The following ZNF439 variants were observed in gnomAD, a reference collection of about 807,000 sequenced individuals.
ZNF439 encodes the protein zinc finger protein 439.
A neutral mutation model predicts 47.3 loss-of-function variants in ZNF439; 40 were observed. That is an observed-to-expected ratio of 0.85 (90% CI 0.66 to 1.10). The LOEUF is 1.10. Ranked by LOEUF, ZNF439 falls within the 50% of genes least tolerant of loss-of-function variation. The pLI is 0.00. For missense variants in ZNF439, 556 were observed against 601.1 expected (o/e 0.93, Z 0.78); for synonymous variants, 171 against 198.8 (o/e 0.86, Z 1.18).
chr19:11,868,564 TTATAAA>T lies in ZNF439; in HGVS notation c.*1_*6del, dbSNP rs753816275. ...TAAGAATGCACTCTGGAGAAAGACC[TTATAAA>T]TATAAGATATATGGGAAACACTTTT... On this transcript the variant is annotated stop_retained_variant and 3_prime_UTR_variant, in exon 4 of 4. Coordinates refer to ENST00000682736, the MANE Select transcript of ZNF439 (RefSeq NM_001348719.2). 1 of 1,603,000 alleles carries T rather than the reference TTATAAA, an allele frequency of 6.2e-7. No individual in the cohort carries two copies. Among genetic ancestry groups the T allele is most frequent in the East Asian group, 2.2e-5 (1 of 44,738 alleles).
At chr19:11,862,746 T>G (rs1297450256) in intron 1 of ZNF439, among the ~76,000 whole-genome samples, 2 of 139,680 alleles carry the variant, frequency 1.4e-5, no homozygotes, top group Non-Finnish European at 3.0e-5. Context: ...TTTTCTGTTG[T>G]TTTTTTTTTT....
chr19:11,863,098 G>A (rs996804868), intron 1 of ZNF439, among the ~76,000 whole-genome samples: 1 of 143,830 alleles, frequency 7.0e-6, no homozygotes, highest in African/African-American at 2.6e-5. Flanking sequence ...CCTGTCATAT[G>A]TTTGTTTGCC....
rs373619703 is a variant in ZNF439 at position 11,867,750 on chromosome 19, T to A, written c.696T>A (p.Ser232Arg). The A allele has an allele frequency of 6.2e-7, 1 of 1,613,982 alleles. No homozygotes were observed. Among genetic ancestry groups the A allele is most frequent in the Non-Finnish European group, 8.5e-7 (1 of 1,180,004 alleles). The change falls in exon 4 of 4, where the codon AGT becomes AGA. Residue 232 changes from serine (S) to arginine (R), a missense_variant. By Grantham distance (110) the Ser-to-Arg change is moderately radical (BLOSUM62 -1). Coordinates refer to ENST00000682736, the MANE Select transcript of ZNF439 (RefSeq NM_001348719.2). ...KFCGKAFHCL[S>R]LYLIHERTHT... is the part of the protein sequence containing the mutation. ...GTGGGAAAGCATTCCATTGTCTCAG[T>A]TTATATCTTATCCATGAAAGAACTC...
At chr19:11,860,929 A>G (rs907319727) in intron 1 of ZNF439, among the ~76,000 whole-genome samples, 6 of 152,184 alleles carry the variant, frequency 3.9e-5, no homozygotes. Context: ...GTATGATCAT[A>G]TAACCTCCAG....
At position 11,868,207 on chromosome 19, in the gene ZNF439, A is replaced by T. The variant is rs1329778692; in HGVS notation, c.1153A>T (p.Lys385Ter). The T allele has an allele frequency of 1.9e-6, 3 of 1,614,134 alleles. No homozygotes were observed. The highest frequency in any genetic ancestry group is 2.5e-6 in the Non-Finnish European group (3 of 1,180,020). The change falls in exon 4 of 4, where the codon AAA (lysine) becomes TAA (stop). Residue 385 changes from lysine to a stop codon, truncating the protein, a stop_gained. Coordinates refer to ENST00000682736, the MANE Select transcript of ZNF439 (RefSeq NM_001348719.2). LOFTEE classifies it high-confidence loss of function. Reference protein sequence around the residue: ...QRHEKTHSGEKPYKCKQCGKA... With the variant: ...QRHEKTHSGE ...ACATGAAAAAACTCACAGTGGAGAG[A>T]AACCGTATAAATGCAAGCAATGTGG...
chr19:11,863,709 A>G (rs1022549230), intron 1 of ZNF439, among the ~76,000 whole-genome samples: 1 of 152,226 alleles, frequency 6.6e-6, no homozygotes, highest in Admixed American at 6.5e-5. Flanking sequence ...TGCCAAATCC[A>G]AGGTTGTCTT....
chr19:11,867,380 A>G lies in ZNF439; in HGVS notation c.326A>G (p.Asp109Gly). 1.2e-6 allele frequency: 2 copies of G among 1,613,984 alleles called. No individual in the cohort carries two copies. Among genetic ancestry groups the G allele is most frequent in the Non-Finnish European group, 1.7e-6 (2 of 1,179,858 alleles). ...HCGETFTPVP[D>G]DRLNFQKKKA... ...GGAGAAACTTTTACCCCAGTTCCAG[A>G]TGACAGGCTGAACTTCCAGAAGAAG... is the stretch of plus-strand genomic sequence containing the variant. Residue 109 changes from aspartate to glycine, a missense_variant, in exon 4 of 4, where the codon GAT becomes GGT. By Grantham distance (94) the Asp-to-Gly change is moderately conservative. Coordinates refer to ENST00000682736, the MANE Select transcript of ZNF439 (RefSeq NM_001348719.2).
At position 11,868,305 on chromosome 19, in the gene ZNF439, T is replaced by G; in HGVS notation, c.1251T>G (p.Cys417Trp). 1 of 1,613,582 alleles carries G rather than the reference T, an allele frequency of 6.2e-7. No homozygotes were observed. Among genetic ancestry groups the G allele is most frequent in the East Asian group, 2.2e-5 (1 of 44,826 alleles). ...ACACTGGAGAGAAACCCTATGAGTG[T>G]AAGCAATGTGGGAAAGCCTTCAGAT... ...RTHTGEKPYE[C>W]KQCGKAFRSA... The change falls in exon 4 of 4, where the codon TGT becomes TGG. Residue 417 changes from cysteine to tryptophan, a missense_variant. Coordinates refer to ENST00000682736, the MANE Select transcript of ZNF439 (RefSeq NM_001348719.2).
At chr19:11,852,711 C>T (rs770412081) in intron 1 of ZNF439, among the ~76,000 whole-genome samples, 3 of 152,158 alleles carry the variant, frequency 2.0e-5, no homozygotes, top group Non-Finnish European at 4.4e-5. Flanking sequence ...GGTTTTATCA[C>T]ATTGGCCAGG....
chr19:11,849,618 A>AGGG (rs1217401919), intron 1 of ZNF439: 1 of 152,538 alleles, frequency 6.6e-6, no homozygotes, highest in Non-Finnish European at 1.5e-5. Context: ...GACCTGTGGA[A>AGGG]GGGGGGTTAG....
intron 1 of ZNF439, among the ~76,000 whole-genome samples, chr19:11,858,485 G>T (rs1466677166): frequency 1.8e-5 from 1 of 56,932 alleles, no homozygotes; most frequent in Non-Finnish European, 3.9e-5. Context: ...AAAAAAAAAG[G>T]GGGTCTATTG....
In ZNF439 at chr19:11,868,257, C is replaced by A; in HGVS notation, c.1203C>A (p.Ser401=). Reference sequence around the variant, plus strand: ...GTAAAGCCTTCACTCGTTCCGGTTCCTTTCGATATCATGAAAGGACTCACA... The same window carrying A: ...GTAAAGCCTTCACTCGTTCCGGTTCATTTCGATATCATGAAAGGACTCACA... ...QCGKAFTRSG[S]FRYHERTHTG... Residue 401 remains serine (S), a synonymous_variant, in exon 4 of 4, where the codon TCC becomes TCA. Coordinates refer to ENST00000682736, the MANE Select transcript of ZNF439 (RefSeq NM_001348719.2). 1 of 1,613,494 alleles carries A rather than the reference C, an allele frequency of 6.2e-7. No homozygotes were observed. The highest frequency in any genetic ancestry group is 8.5e-7 in the Non-Finnish European group (1 of 1,179,866).
intron 1 of ZNF439, among the ~76,000 whole-genome samples, chr19:11,863,001 G>A (rs867082712): frequency 2.0e-5 from 3 of 151,786 alleles, no homozygotes; most frequent in Non-Finnish European, 4.4e-5. Context: ...CACCTGCCTC[G>A]GCCTCCCAAA....
chr19:11,865,712 C>CAAAAAAAAAAAA (rs71166640), intron 1 of ZNF439, among the ~76,000 whole-genome samples: 2 of 82,028 alleles, frequency 2.4e-5, no homozygotes, highest in Admixed American at 1.5e-4. Flanking sequence ...TACACTATCA[C>CAAAAAAAAAAAA]AAAAAAAAAA....
intron 1 of ZNF439, chr19:11,858,336 G>A (rs1321449196): frequency 6.6e-6 from 1 of 151,948 alleles, no homozygotes; most frequent in Non-Finnish European, 1.5e-5. Context: ...CATGGTGGCA[G>A]GCACCTGTAG....
Position 11,868,038 on chromosome 19 carries a change from A to G in ZNF439, c.984A>G (p.Lys328=), listed in dbSNP as rs773031618. 5.8e-5 allele frequency: 94 copies of G among 1,614,066 alleles called. No individual in the cohort carries two copies. The highest frequency in any genetic ancestry group is 8.3e-5 in the Admixed American group (5 of 59,996). ...GACATGAAAGGACCCACTCTAGGAA[A>G]AAACTTTATGAATGTAAGCAGTGTG... is the stretch of plus-strand genomic sequence containing the variant. The part of the protein sequence containing the change: ...VRRHERTHSR[K]KLYECKQCGK... Residue 328 remains lysine, a synonymous_variant, in exon 4 of 4, where the codon AAA becomes AAG. Transcript: ENST00000682736.
chr19:11,867,512 G>A lies in ZNF439; in HGVS notation c.458G>A (p.Cys153Tyr), dbSNP rs1976721073. The stretch of plus-strand genomic sequence containing the variant: ...AGAGGTGACACTGGACACAAGGCAT[G>A]TGAATGTCAGGAATATGGACCAAAG... The part of the protein sequence containing the change: ...NIRGDTGHKA[C>Y]ECQEYGPKPW... Residue 153 changes from cysteine (C) to tyrosine (Y), a missense_variant, in exon 4 of 4, where the codon TGT (cysteine) becomes TAT (tyrosine). Physicochemically the swap from Cys to Tyr is radical, Grantham distance 194. Coordinates refer to ENST00000682736, the MANE Select transcript of ZNF439 (RefSeq NM_001348719.2). 6.2e-7 allele frequency: 1 copy of A among 1,614,170 alleles called. No individual in the cohort carries two copies.
intron 1 of ZNF439, chr19:11,857,009 T>C (rs1976403720): frequency 6.6e-6 from 1 of 152,124 alleles, no homozygotes; most frequent in Admixed American, 6.5e-5. Flanking sequence ...TTAATGGGAG[T>C]TGAAGCTGTG....
chr19:11,857,507 C>G (rs1367301835), intron 1 of ZNF439: 1 of 152,254 alleles, frequency 6.6e-6, no homozygotes, highest in African/African-American at 2.4e-5. Flanking sequence ...CCCAGGAGTC[C>G]TGTTGGAGAA....
Sources: gnomAD v4.1 joint callset for allele counts (sites outside exome capture counted in the v4.1 genomes callset) on GRCh38, gnomAD v4.1.1 for gene constraint, MANE v1.5 for transcripts, NCBI Gene and HGNC (gene_info 2026-07-23, HGNC 2026-07-21) for gene names.